BCL11A: variants seen among roughly 807,000 people sequenced by gnomAD.
The protein encoded by BCL11A is B cell CLL/lymphoma 11A.
In BCL11A, 2 loss-of-function variants were observed where a neutral mutation model predicts 55.9. The observed-to-expected ratio is 0.04, with a 90% CI of 0.01 to 0.11. The LOEUF (loss-of-function observed/expected upper bound fraction) is 0.11, where lower values mean the gene tolerates loss of function less well. BCL11A is among the 10% of genes least tolerant of loss of function. The probability of loss-of-function intolerance (pLI) is 1.00; values close to 1 mark genes in which losing one functional copy is unlikely to be tolerated. For missense variants in BCL11A, 817 were observed against 1,137.1 expected (o/e 0.72, Z 4.05); for synonymous variants, 465 against 473.4 (o/e 0.98, Z 0.23).
chr2:60,543,841 C>T (rs1346704837), intron 2 of BCL11A: 1 of 152,146 alleles, frequency 6.6e-6, no homozygotes, highest in Non-Finnish European at 1.5e-5. Context: ...CTTTTCGTCT[C>T]AGTTAAATGA....
chr2:60,501,408 T>C (rs909018381), intron 2 of BCL11A, among the ~76,000 whole-genome samples: 2 of 152,022 alleles, frequency 1.3e-5, no homozygotes, highest in East Asian at 1.9e-4. Context: ...ATATGATTAA[T>C]CACTTCCAAA....
At chr2:60,527,839 T>A (rs969501441) in intron 2 of BCL11A, 3 of 152,242 alleles carry the variant, frequency 2.0e-5, no homozygotes, top group Non-Finnish European at 4.4e-5. Context: ...ACAGTAACAT[T>A]TGGTTTTGGA....
At chr2:60,491,295 T>A (rs1678613600) in intron 2 of BCL11A, among the ~76,000 whole-genome samples, 1 of 152,258 alleles carries the variant, frequency 6.6e-6, no homozygotes, top group South Asian at 2.1e-4. Flanking sequence ...AGGACCTCAT[T>A]TTGATGCCAG....
At chr2:60,454,441 AT>A (rs200179157), downstream of BCL11A, among the ~76,000 whole-genome samples, 35 of 150,096 alleles carry the variant, frequency 2.3e-4, no homozygotes, top group African/African-American at 7.6e-4. Context: ...AGTTCCCACA[AT>A]TTTTTTTTTA....
chr2:60,545,024 T>C (rs1347697923), intron 2 of BCL11A: 1 of 152,188 alleles, frequency 6.6e-6, no homozygotes, highest in Non-Finnish European at 1.5e-5. Context: ...GTTGAATACG[T>C]GTGTGTATTT....
intron 2 of BCL11A, among the ~76,000 whole-genome samples, chr2:60,476,709 G>T (rs1172247177): frequency 6.6e-6 from 1 of 152,200 alleles, no homozygotes; most frequent in Non-Finnish European, 1.5e-5. Flanking sequence ...CCTTTTAAGT[G>T]TGTCTTCCTT....
intron 2 of BCL11A, chr2:60,542,148 G>C (rs188377981): frequency 8.2e-6 from 3 of 367,688 alleles, no homozygotes; most frequent in East Asian, 8.6e-5. Flanking sequence ...AAATGTCTAT[G>C]TTCATGATTT....
chr2:60,523,298 A>G (rs80163260), intron 2 of BCL11A, among the ~76,000 whole-genome samples: 1 of 152,282 alleles, frequency 6.6e-6, no homozygotes, highest in African/African-American at 2.4e-5. Flanking sequence ...CCTGCTTGGG[A>G]CTGTTGCTCC....
chr2:60,536,947 T>A (rs1669693482), intron 2 of BCL11A: 1 of 152,368 alleles, frequency 6.6e-6, no homozygotes, highest in East Asian at 1.9e-4. Flanking sequence ...AATTTTTATC[T>A]CTATTGTACA....
At chr2:60,456,805 G>A (rs554623650), downstream of BCL11A, among the ~76,000 whole-genome samples, 1 of 152,076 alleles carries the variant, frequency 6.6e-6, no homozygotes, top group East Asian at 1.9e-4. Context: ...GCAAGGATGG[G>A]AGAATAGAAA....
chr2:60,493,806 G>A (rs1678788989), intron 2 of BCL11A, among the ~76,000 whole-genome samples: 1 of 152,194 alleles, frequency 6.6e-6, no homozygotes, highest in African/African-American at 2.4e-5. Flanking sequence ...GCTGTGGACA[G>A]CAAAGCTTCA....
chr2:60,507,872 T>C (rs1679735609), intron 2 of BCL11A, among the ~76,000 whole-genome samples: 1 of 152,170 alleles, frequency 6.6e-6, no homozygotes, highest in South Asian at 2.1e-4. Flanking sequence ...AAGGACAGCA[T>C]ACTATGGGAT....
chr2:60,550,587 G>A (rs1169288989), intron 1 of BCL11A, among the ~76,000 whole-genome samples: 1 of 151,998 alleles, frequency 6.6e-6, no homozygotes, highest in East Asian at 1.9e-4. Flanking sequence ...ACTGAGGACC[G>A]GGATGGCTCC....
At chr2:60,480,176 C>T (rs1168814634) in intron 2 of BCL11A, among the ~76,000 whole-genome samples, 12 of 152,052 alleles carry the variant, frequency 7.9e-5, no homozygotes, top group Admixed American at 7.2e-4. Flanking sequence ...GGCCAGGGGG[C>T]TGGGGACATG....
Position 60,462,309 on chromosome 2 carries a change from G to T in BCL11A, c.603C>A (p.Ser201Arg), listed in dbSNP as rs756904803. The T allele has an allele frequency of 6.2e-7, 1 of 1,614,136 alleles. No homozygotes were observed. The stretch of plus-strand genomic sequence containing the variant: ...GCGGGGTCAGGGGACTTCCGTGTTC[G>T]CTTTCTAAGTAGATTCTTAATCCAT... ...NTHGLRIYLE[S>R]EHGSPLTPRV... The change falls in exon 4 of 4, where the codon AGC becomes AGA. Residue 201 changes from serine (S) to arginine (R), a missense_variant. Ser to Arg is a moderately radical substitution (Grantham distance 110). This residue lies in a region of BCL11A where 363 missense variants were observed against 486.6 expected (regional missense o/e 0.75). Transcript: ENST00000642384.
At position 60,462,087 on chromosome 2, in the gene BCL11A, G is replaced by T; in HGVS notation, c.825C>A (p.Asp275Glu). The stretch of plus-strand genomic sequence containing the variant: ...CCCCCAGGCGCTCTATGCGGTGGGG[G>T]TCCAAGTGATGTCTCGGTGGTGGAC... ...LFSPPPRHHLDPHRIERLGAE... is the reference protein window; with the variant it reads ...LFSPPPRHHLEPHRIERLGAE... Residue 275 changes from aspartate (D) to glutamate (E), a missense_variant, in exon 4 of 4, where the codon GAC (aspartate) becomes GAA (glutamate). Coordinates refer to ENST00000642384, the MANE Select transcript of BCL11A (RefSeq NM_022893.4). The T allele has an allele frequency of 6.4e-7, 1 of 1,567,240 alleles. No homozygotes were observed. The highest frequency in any genetic ancestry group is 8.6e-7 in the Non-Finnish European group (1 of 1,157,956).
intron 2 of BCL11A, among the ~76,000 whole-genome samples, chr2:60,524,081 T>TCCC (rs1669103768): frequency 6.6e-6 from 1 of 152,242 alleles, no homozygotes; most frequent in African/African-American, 2.4e-5. Flanking sequence ...GAGGGTATCT[T>TCCC]CATTTATCAT....
At chr2:60,550,243 G>T (rs1022558637) in intron 1 of BCL11A, among the ~76,000 whole-genome samples, 4 of 152,124 alleles carry the variant, frequency 2.6e-5, no homozygotes, top group African/African-American at 9.7e-5. Flanking sequence ...CTCCGAGCCC[G>T]GCGCGCGCTG....
At chr2:60,517,667 G>C (rs1297566779) in intron 2 of BCL11A, among the ~76,000 whole-genome samples, 1 of 152,252 alleles carries the variant, frequency 6.6e-6, no homozygotes, top group Non-Finnish European at 1.5e-5. Flanking sequence ...GATTGGTACA[G>C]TCAGCCAGGA....
Sources: gnomAD v4.1 joint callset for allele counts (sites outside exome capture counted in the v4.1 genomes callset) on GRCh38, gnomAD v4.1.1 for gene constraint, gnomAD v4.1.1 regional missense constraint, MANE v1.5 for transcripts, NCBI Gene and HGNC (gene_info 2026-07-23, HGNC 2026-07-21) for gene names.